TET3: variants seen among roughly 807,000 people sequenced by gnomAD.
TET3 encodes methylcytosine dioxygenase TET3.
Under a neutral mutation model 141.4 loss-of-function variants are expected in TET3, and 19 were observed. That is an observed-to-expected ratio of 0.13 (90% CI 0.09 to 0.20). The LOEUF (loss-of-function observed/expected upper bound fraction) is 0.20. TET3 is among the 10% of genes least tolerant of loss of function. The probability of loss-of-function intolerance (pLI) is 1.00; values close to 1 mark genes in which losing one functional copy is unlikely to be tolerated. For missense variants in TET3, 1,874 were observed against 2,356.9 expected, an observed-to-expected ratio of 0.80 and a Z score of 4.24; for synonymous variants, 1,043 against 980.9, an observed-to-expected ratio of 1.06 and a Z score of -1.18.
downstream of TET3, among the ~76,000 whole-genome samples, chr2:74,110,349 GT>G (rs956783472): frequency 3.3e-5 from 5 of 152,090 alleles, no homozygotes; most frequent in Non-Finnish European, 7.4e-5. Context: ...ACACAACTTG[GT>G]CAGCAACTTT....
At chr2:74,109,040 TTA>T (rs551336476), downstream of TET3, among the ~76,000 whole-genome samples, 746 of 152,292 alleles carry the variant, frequency 4.9e-3, 27 homozygotes, top group Admixed American at 0.043. Context: ...TCAAACATGT[TTA>T]TATGTTTTAC....
chr2:74,079,536 A>G (rs1231140508), intron 5 of TET3, among the ~76,000 whole-genome samples: 4 of 152,334 alleles, frequency 2.6e-5, no homozygotes, highest in East Asian at 3.9e-4. Context: ...ATTAAAAATA[A>G]TTACTGTTTA....
At position 74,046,800 on chromosome 2, in the gene TET3, A is replaced by G. The variant is rs760195360; in HGVS notation, c.883A>G (p.Met295Val). Residue 295 changes from methionine (M) to valine (V), a missense_variant, in exon 4 of 12, where the codon ATG becomes GTG. By Grantham distance (21) the Met-to-Val change is conservative. Transcript: ENST00000409262. The surrounding 1 kb of genome is among the most constrained non-coding windows in gnomAD (Gnocchi z 4.3). ...WLEGKIKSVV[M>V]EGGEERPRLP... The stretch of plus-strand genomic sequence containing the variant: ...GGAGGGGAAGATCAAGTCTGTGGTC[A>G]TGGAAGGAGGGGAGGAGCGGCCCAG... The G allele has an allele frequency of 2.9e-5, 46 of 1,613,224 alleles. No homozygotes were observed. Among genetic ancestry groups the G allele is most frequent in the Non-Finnish European group, 3.7e-5 (44 of 1,179,870 alleles).
the TET3 span, chr2:74,122,509 ATATTTT>A: frequency 5.2e-5 from 4 of 76,262 alleles, no homozygotes; most frequent in Admixed American, 1.7e-4. Context: ...ATATATATAT[ATATTTT>A]TTTTTTTTTT....
chr2:74,059,265 T>A (rs1285883365), intron 4 of TET3, among the ~76,000 whole-genome samples: 1 of 152,256 alleles, frequency 6.6e-6, no homozygotes, highest in Non-Finnish European at 1.5e-5. Context: ...TTTTATTTAT[T>A]TTTTTGAGAC....
Position 74,014,714 on chromosome 2 carries a change from G to GA in TET3, c.360+11556dup, listed in dbSNP as rs528784526. On this transcript the variant is annotated intron_variant, in intron 3 of 11. Transcript: ENST00000409262. Reference sequence around the variant, plus strand: ...GAAGCTATATGCTGGGGCAGTGAGAGAAAAAAAACTGAGACTTTGACCCAG... The same window carrying GA: ...GAAGCTATATGCTGGGGCAGTGAGAGAAAAAAAAACTGAGACTTTGACCCAG... 1.9e-3 allele frequency among the ~76,000 whole-genome samples: 288 copies of GA among 151,978 alleles called. 1 individual carries two copies. Among genetic ancestry groups the GA allele is most frequent in the African/African-American group, 6.5e-3 (271 of 41,462 alleles).
intron 4 of TET3, among the ~76,000 whole-genome samples, chr2:74,067,386 C>CA (rs1379599849): frequency 6.6e-6 from 1 of 152,180 alleles, no homozygotes; most frequent in Non-Finnish European, 1.5e-5. Flanking sequence ...GGAGCCTGGA[C>CA]AACAGCTACC....
intron 10 of TET3, among the ~76,000 whole-genome samples, chr2:74,094,282 A>G (rs1408207579): frequency 6.6e-6 from 1 of 152,122 alleles, no homozygotes; most frequent in Non-Finnish European, 1.5e-5. Flanking sequence ...AGGCAGAGGG[A>G]CCAGCGTGTG....
At chr2:74,013,481 A>C (rs1224473886) in intron 3 of TET3, among the ~76,000 whole-genome samples, 1 of 152,058 alleles carries the variant, frequency 6.6e-6, no homozygotes, top group African/African-American at 2.4e-5. Context: ...CTTTGGTATA[A>C]TTTAAATAGT....
chr2:74,004,755 C>A (rs1264131460), intron 3 of TET3, among the ~76,000 whole-genome samples: 1 of 152,156 alleles, frequency 6.6e-6, no homozygotes, highest in Non-Finnish European at 1.5e-5. Context: ...TTGGCTCTCA[C>A]TACACACTCT....
At chr2:74,042,195 T>C (rs985267463) in intron 3 of TET3, among the ~76,000 whole-genome samples, 4 of 152,146 alleles carry the variant, frequency 2.6e-5, no homozygotes, top group Admixed American at 1.3e-4. Context: ...CTCAAAAGGG[T>C]CATGGCAGAC....
At chr2:74,054,917 A>G (rs1688133963) in intron 4 of TET3, among the ~76,000 whole-genome samples, 1 of 151,920 alleles carries the variant, frequency 6.6e-6, no homozygotes, top group Non-Finnish European at 1.5e-5. Flanking sequence ...TGTTTTTGAG[A>G]TGGGGTCTCA....
chr2:74,088,938 A>C (rs1238014442), intron 7 of TET3, among the ~76,000 whole-genome samples: 1 of 152,040 alleles, frequency 6.6e-6, no homozygotes, highest in African/African-American at 2.4e-5. Context: ...AAAATTAGCC[A>C]GGTGTGGTGA....
Position 74,046,367 on chromosome 2 carries a change from C to T in TET3, c.450C>T (p.Ser150=), listed in dbSNP as rs751678294. 7 of 1,530,698 alleles carry T rather than the reference C, an allele frequency of 4.6e-6. No individual in the cohort carries two copies. Among genetic ancestry groups the T allele is most frequent in the East Asian group, 4.5e-5 (2 of 44,362 alleles). The allele number at this position is 1,530,698 out of a possible 1,614,324, so 94.8% of individuals were successfully genotyped here. The part of the protein sequence containing the change: ...PVYHGDSRQL[S]ASGVPVNGAR... ...ACCATGGGGACTCACGGCAGCTAAGCGCCTCAGGGGTGCCGGTCAATGGTG... is the reference window on the plus strand; with the variant it reads ...ACCATGGGGACTCACGGCAGCTAAGTGCCTCAGGGGTGCCGGTCAATGGTG... The change falls in exon 4 of 12, where the codon AGC becomes AGT. Residue 150 remains serine, a synonymous_variant. Coordinates refer to ENST00000409262, the MANE Select transcript of TET3 (RefSeq NM_001287491.2). This position sits in a 1 kb window ranked among gnomAD's most constrained non-coding sequence, Gnocchi z 4.3.
chr2:74,070,469 C>T (rs1689143868), intron 4 of TET3, among the ~76,000 whole-genome samples: 1 of 152,160 alleles, frequency 6.6e-6, no homozygotes, highest in Admixed American at 6.5e-5. Context: ...ATGGGAGCTA[C>T]AATTCAAGAT....
chr2:74,031,787 A>G (rs145526465), intron 3 of TET3, among the ~76,000 whole-genome samples: 78 of 152,336 alleles, frequency 5.1e-4, no homozygotes, highest in African/African-American at 1.7e-3. Flanking sequence ...TAAGTCCTTC[A>G]GAAAGGATTG....
chr2:74,056,519 A>G (rs1436065680), intron 4 of TET3, among the ~76,000 whole-genome samples: 2 of 151,924 alleles, frequency 1.3e-5, no homozygotes, highest in African/African-American at 4.8e-5. Flanking sequence ...AGAGCTTTCT[A>G]CCATGTATTT....
downstream of TET3, among the ~76,000 whole-genome samples, chr2:74,111,380 A>G (rs1219568729): frequency 2.0e-5 from 3 of 152,186 alleles, no homozygotes. Context: ...CTTAACCAAA[A>G]CTGACCTCTC....
intron 4 of TET3, among the ~76,000 whole-genome samples, chr2:74,056,998 G>A (rs1688256305): frequency 6.6e-6 from 1 of 152,208 alleles, no homozygotes; most frequent in South Asian, 2.1e-4. Flanking sequence ...GGGAATGCAG[G>A]CAGAGCATGT....
Sources: gnomAD v4.1 joint callset for allele counts (sites outside exome capture counted in the v4.1 genomes callset) on GRCh38, gnomAD v4.1.1 for gene constraint, Gnocchi (gnomAD v3.1) non-coding constraint, MANE v1.5 for transcripts, NCBI Gene and HGNC (gene_info 2026-07-23, HGNC 2026-07-21) for gene names.